Variants in PCDH9 observed in about 807,000 individuals in gnomAD.
PCDH9 encodes the protein protocadherin-9.
A neutral mutation model predicts 70.6 loss-of-function variants in PCDH9; 24 were observed. The observed-to-expected ratio is 0.34, with a 90% CI of 0.25 to 0.48. The LOEUF is 0.48. Ranked by LOEUF, PCDH9 falls within the 20% of genes least tolerant of loss-of-function variation. The pLI is 0.99. For synonymous variants in PCDH9, 562 were observed against 558.5 expected (o/e 1.01, Z -0.09); for missense variants, 1,281 against 1,503.6 (o/e 0.85, Z 2.45).
intron 4 of PCDH9, among the ~76,000 whole-genome samples, chr13:66,445,823 T>TAC (rs1291563823): frequency 2.7e-5 from 3 of 109,336 alleles, no homozygotes; most frequent in Admixed American, 2.5e-4. Flanking sequence ...TATACACATA[T>TAC]ATACACACAC....
At chr13:66,456,870 T>C (rs762167542) in intron 4 of PCDH9, among the ~76,000 whole-genome samples, 11 of 152,140 alleles carry the variant, frequency 7.2e-5, no homozygotes, top group Non-Finnish European at 1.5e-4. Context: ...ACATGTGTAC[T>C]GCCATGGGCT....
At chr13:66,956,058 C>T (rs1463861361) in intron 2 of PCDH9, among the ~76,000 whole-genome samples, 1 of 151,990 alleles carries the variant, frequency 6.6e-6, no homozygotes, top group Non-Finnish European at 1.5e-5. Context: ...GCTGAGATTG[C>T]ACCATTGCAC....
intron 2 of PCDH9, among the ~76,000 whole-genome samples, chr13:66,909,502 GCTCACGCCTGTAAT>G (rs1437396025): frequency 2.6e-5 from 4 of 152,112 alleles, no homozygotes; most frequent in African/African-American, 9.7e-5. Flanking sequence ...AGGCACAGTG[GCTCACGCCTGTAAT>G]CCCAGCACTT....
At chr13:66,849,517 T>TAGAGAGAGAGAGAG (rs58589562) in intron 3 of PCDH9, among the ~76,000 whole-genome samples, 44 of 63,570 alleles carry the variant, frequency 6.9e-4, no homozygotes, top group African/African-American at 2.5e-3. Flanking sequence ...TATATATATA[T>TAGAGAGAGAGAGAG]AGAGAGAGAG....
chr13:66,828,680 G>A (rs1189574076), intron 3 of PCDH9, among the ~76,000 whole-genome samples: 3 of 151,892 alleles, frequency 2.0e-5, no homozygotes, highest in African/African-American at 4.8e-5. Flanking sequence ...AATATATTAA[G>A]AAAAAGAGAC....
intron 4 of PCDH9, among the ~76,000 whole-genome samples, chr13:66,474,773 G>A (rs1347039461): frequency 6.6e-6 from 1 of 151,986 alleles, no homozygotes; most frequent in Admixed American, 6.6e-5. Flanking sequence ...GGCATCTTAG[G>A]CTGGGAGTCA....
Position 66,718,473 on chromosome 13 carries a change from C to T in PCDH9, c.3139-87062G>A, listed in dbSNP as rs1045028483. Among the ~76,000 whole-genome samples, 8 of 152,008 alleles carry T rather than the reference C, an allele frequency of 5.3e-5. No individual in the cohort carries two copies. The East Asian group carries it at 1.6e-3, about 30-fold the overall frequency. On this transcript the variant is annotated intron_variant, in intron 3 of 4. Coordinates refer to ENST00000377865, the MANE Select transcript of PCDH9 (RefSeq NM_203487.3). ...AATTTTGATTTCATAATCCACTATG[C>T]CATGCTGCTGAAAAAAAATGAATCC...
intron 4 of PCDH9, among the ~76,000 whole-genome samples, chr13:66,417,641 C>T (rs865826449): frequency 6.6e-6 from 1 of 152,130 alleles, no homozygotes; most frequent in Non-Finnish European, 1.5e-5. Flanking sequence ...TAAAGTATTC[C>T]TATTTCTCCA....
chr13:66,572,751 G>A (rs1189420162), intron 4 of PCDH9, among the ~76,000 whole-genome samples: 1 of 151,944 alleles, frequency 6.6e-6, no homozygotes, highest in Non-Finnish European at 1.5e-5. Context: ...AGAAGCTATA[G>A]TATTTCTTTT....
chr13:66,999,388 T>C (rs1179543839), intron 2 of PCDH9, among the ~76,000 whole-genome samples: 2 of 152,156 alleles, frequency 1.3e-5, no homozygotes, highest in African/African-American at 2.4e-5. Context: ...AGGACTATAC[T>C]TCAAGGTTCT....
intron 3 of PCDH9, among the ~76,000 whole-genome samples, chr13:66,631,924 G>A (rs774893709): frequency 2.0e-5 from 3 of 151,978 alleles, no homozygotes; most frequent in South Asian, 2.1e-4. Context: ...ACAAAGTTTC[G>A]TTCTTGTTGC....
At chr13:66,385,208 T>C (rs1956909416) in intron 4 of PCDH9, among the ~76,000 whole-genome samples, 1 of 152,176 alleles carries the variant, frequency 6.6e-6, no homozygotes, top group Non-Finnish European at 1.5e-5. Flanking sequence ...TTCTTAGCAC[T>C]GAATAATATT....
chr13:66,354,744 C>G (rs2138179695), intron 4 of PCDH9, among the ~76,000 whole-genome samples: 1 of 152,108 alleles, frequency 6.6e-6, no homozygotes, highest in Middle Eastern at 3.4e-3. Flanking sequence ...CTCTTTTCAC[C>G]AACGTTAGAG....
chr13:66,488,349 C>T (rs1958979466), intron 4 of PCDH9, among the ~76,000 whole-genome samples: 1 of 152,088 alleles, frequency 6.6e-6, no homozygotes, highest in African/African-American at 2.4e-5. Context: ...ATCTGATTTC[C>T]TAATTAACGA....
chr13:66,582,857 A>G (rs918052556), intron 4 of PCDH9, among the ~76,000 whole-genome samples: 2 of 152,180 alleles, frequency 1.3e-5, no homozygotes, highest in Non-Finnish European at 2.9e-5. Context: ...TCTTTGGTCA[A>G]CACTACCTAA....
chr13:66,957,479 C>T (rs2083282107), intron 2 of PCDH9, among the ~76,000 whole-genome samples: 1 of 152,154 alleles, frequency 6.6e-6, no homozygotes, highest in South Asian at 2.1e-4. Context: ...AGGTTCTCTC[C>T]TAAAGAAAGA....
chr13:67,087,580 G>T (rs775334885), intron 2 of PCDH9, among the ~76,000 whole-genome samples: 1 of 152,074 alleles, frequency 6.6e-6, no homozygotes, highest in African/African-American at 2.4e-5. Context: ...AGCACATTTT[G>T]GAGCTGTAAA....
intron 4 of PCDH9, among the ~76,000 whole-genome samples, chr13:66,432,183 A>G (rs1185509670): frequency 2.0e-5 from 3 of 152,042 alleles, no homozygotes; most frequent in African/African-American, 7.2e-5. Context: ...CAAATGTTTA[A>G]GTAAACTTCA....
chr13:66,382,336 T>C (rs1223878472), intron 4 of PCDH9, among the ~76,000 whole-genome samples: 2 of 152,052 alleles, frequency 1.3e-5, no homozygotes, highest in South Asian at 4.1e-4. Context: ...AGGAAAGATA[T>C]CTGATGAGAC....
Sources: allele counts gnomAD v4.1 joint callset (sites outside exome capture counted in the v4.1 genomes callset), GRCh38; gene constraint gnomAD v4.1.1; transcripts MANE v1.5; gene names NCBI Gene and HGNC (gene_info 2026-07-23, HGNC 2026-07-21).